Variants in CEP126 observed in about 807,000 individuals in gnomAD.
CEP126 encodes the protein centrosomal protein of 126 kDa.
In CEP126, 74 loss-of-function variants were observed where a neutral mutation model predicts 107.8. That is an observed-to-expected ratio of 0.69 (90% CI 0.57 to 0.83). The LOEUF (loss-of-function observed/expected upper bound fraction) is 0.83. Among genes scored for constraint, CEP126 ranks in the 40% least tolerant of loss-of-function variants. CEP126 has a pLI of 0.00. For missense variants in CEP126, 1,237 were observed against 1,281.9 expected (o/e 0.96, Z 0.53); for synonymous variants, 449 against 446.0 (o/e 1.01, Z -0.08).
intron 2 of CEP126, among the ~76,000 whole-genome samples, chr11:101,924,767 A>T (rs966085898): frequency 5.3e-5 from 8 of 151,388 alleles, no homozygotes; most frequent in Admixed American, 3.3e-4. Context: ...TTTTTTTTTT[A>T]AATAGTATTT....
chr11:101,987,700 C>T (rs1941331681), intron 9 of CEP126, among the ~76,000 whole-genome samples: 1 of 150,810 alleles, frequency 6.6e-6, no homozygotes, highest in Non-Finnish European at 1.5e-5. Context: ...TTTTAAACTT[C>T]AGTATTGAGC....
chr11:101,966,935 CTCTT>C (rs1941063108), intron 6 of CEP126, among the ~76,000 whole-genome samples: 1 of 151,932 alleles, frequency 6.6e-6, no homozygotes, highest in Non-Finnish European at 1.5e-5. Flanking sequence ...CTTTTCCCTA[CTCTT>C]ACTCCTACCA....
intron 2 of CEP126, among the ~76,000 whole-genome samples, chr11:101,930,479 T>G (rs1446251410): frequency 6.6e-6 from 1 of 152,192 alleles, no homozygotes; most frequent in Admixed American, 6.5e-5. Context: ...GCGGTGAGTG[T>G]TACAGCTCTT....
At chr11:101,982,795 C>CA (rs1018672260) in intron 8 of CEP126, among the ~76,000 whole-genome samples, 1 of 152,074 alleles carries the variant, frequency 6.6e-6, no homozygotes, top group African/African-American at 2.4e-5. Context: ...ATTTCAAAAT[C>CA]AAAAATGCTC....
intron 7 of CEP126, among the ~76,000 whole-genome samples, chr11:101,980,603 T>C (rs868171582): frequency 1.9e-4 from 29 of 152,228 alleles, no homozygotes; most frequent in African/African-American, 6.0e-4. Context: ...TCAGTGTTCC[T>C]GAATCAAATT....
At chr11:101,992,490 GAA>G (rs1941396881) in intron 9 of CEP126, among the ~76,000 whole-genome samples, 1 of 151,524 alleles carries the variant, frequency 6.6e-6, no homozygotes, top group African/African-American at 2.4e-5. Flanking sequence ...TAAAAAAAGA[GAA>G]AGAAAGAAAA....
At chr11:101,988,612 G>GA (rs1315167655) in intron 9 of CEP126, among the ~76,000 whole-genome samples, 8 of 151,622 alleles carry the variant, frequency 5.3e-5, no homozygotes, top group Non-Finnish European at 1.2e-4. Flanking sequence ...AGAAAACAAT[G>GA]AAAAAAAATC....
At chr11:101,956,930 C>T (rs1015410050) in intron 4 of CEP126, 14 of 342,790 alleles carry the variant, frequency 4.1e-5, no homozygotes, top group African/African-American at 1.5e-4. Context: ...AGTTGAGACA[C>T]GACAACTTTA....
intron 4 of CEP126, chr11:101,956,173 C>G: frequency 2.2e-6 from 1 of 456,504 alleles, no homozygotes; most frequent in Non-Finnish European, 4.4e-6. Flanking sequence ...AGTTATTTTA[C>G]AAAACTTTCA....
intron 4 of CEP126, among the ~76,000 whole-genome samples, chr11:101,954,272 C>T (rs959182885): frequency 6.6e-6 from 1 of 152,110 alleles, no homozygotes; most frequent in African/African-American, 2.4e-5. Context: ...GTGATCCACC[C>T]GCCTCGGCCT....
chr11:101,966,553 C>G (rs145841365), intron 6 of CEP126, among the ~76,000 whole-genome samples: 1 of 152,276 alleles, frequency 6.6e-6, no homozygotes, highest in Admixed American at 6.5e-5. Flanking sequence ...TTATTTCCCC[C>G]CTAAAAGATG....
At chr11:101,957,197 T>C (rs1190638987) in intron 4 of CEP126, among the ~76,000 whole-genome samples, 3 of 152,200 alleles carry the variant, frequency 2.0e-5, no homozygotes. Context: ...GATATATATA[T>C]GGATATTGGA....
Position 101,963,334 on chromosome 11 carries a change from T to G in CEP126, c.2299T>G (p.Ser767Ala). 1 of 1,613,934 alleles carries G rather than the reference T, an allele frequency of 6.2e-7. No individual in the cohort carries two copies. Among genetic ancestry groups the G allele is most frequent in the Non-Finnish European group, 8.5e-7 (1 of 1,179,992 alleles). ...AAAACCAGGATCTGCAAAAGTCCAA[T>G]CAGGCTTTATATGTACAAACAGAAA... is the stretch of plus-strand genomic sequence containing the variant. ...IRKPGSAKVQ[S>A]GFICTNRKGA... The change falls in exon 6 of 11, where the codon TCA (serine) becomes GCA (alanine). Residue 767 changes from serine (S) to alanine (A), a missense_variant. Around this residue, in one of 3 missense-constraint regions of CEP126, gnomAD observed 1,134 missense variants for 1,150.5 expected, o/e 0.99. Transcript: ENST00000263468.
chr11:101,936,791 T>G (rs1358067777), intron 2 of CEP126, among the ~76,000 whole-genome samples: 1 of 152,224 alleles, frequency 6.6e-6, no homozygotes, highest in African/African-American at 2.4e-5. Context: ...TGTCAAATAC[T>G]TTTTCTACAT....
At chr11:101,996,776 T>C (rs1941446339) in intron 10 of CEP126, among the ~76,000 whole-genome samples, 1 of 152,048 alleles carries the variant, frequency 6.6e-6, no homozygotes, top group Non-Finnish European at 1.5e-5. Context: ...GAGAAAAAAC[T>C]GGAGAGGGAA....
chr11:101,992,841 T>C lies in CEP126; in HGVS notation c.3308T>C (p.Leu1103Pro), dbSNP rs763930358. 2.6e-6 allele frequency: 4 copies of C among 1,531,554 alleles called. No homozygotes were observed. The highest frequency in any genetic ancestry group is 4.5e-5 in the Admixed American group (2 of 44,070). 94.9% of individuals were successfully genotyped at this position (1,531,554 alleles called of 1,614,324 possible). The change falls in exon 10 of 11, where the codon CTG becomes CCG. Residue 1103 changes from leucine to proline, a missense_variant and splice_region_variant. Transcript: ENST00000263468. The stretch of plus-strand genomic sequence containing the variant: ...AATACTTTACAAATAATACCACTTC[T>C]GGTAAGTATTTGAAGAAGCTCTTTT... ...IKNTLQIIPL[L>P]EKREDRTSSC...
At chr11:101,964,292 ACT>A (rs1414981892) in intron 6 of CEP126, among the ~76,000 whole-genome samples, 1 of 146,680 alleles carries the variant, frequency 6.8e-6, no homozygotes, top group Non-Finnish European at 1.5e-5. Context: ...ACAGAGCAAG[ACT>A]CTGTCTGAAA....
chr11:101,972,601 G>C (rs1941144771), intron 6 of CEP126, among the ~76,000 whole-genome samples: 1 of 151,958 alleles, frequency 6.6e-6, no homozygotes, highest in African/African-American at 2.4e-5. Flanking sequence ...AGGAGTTCGA[G>C]ACCAGCCTGG....
chr11:101,995,115 C>T (rs974996916), intron 10 of CEP126, among the ~76,000 whole-genome samples: 17 of 152,202 alleles, frequency 1.1e-4, no homozygotes, highest in Admixed American at 3.3e-4. Flanking sequence ...CGAGTGAGAA[C>T]ATGCAGTGTT....
Sources: allele counts gnomAD v4.1 joint callset (sites outside exome capture counted in the v4.1 genomes callset), GRCh38; gene constraint gnomAD v4.1.1; regional missense constraint gnomAD v4.1.1; transcripts MANE v1.5; gene names NCBI Gene and HGNC (gene_info 2026-07-23, HGNC 2026-07-21).